B3GALNT2: variants seen among roughly 807,000 people sequenced by gnomAD.
The protein encoded by B3GALNT2 is beta-1,3-N-acetylgalactosaminyltransferase 2.
In B3GALNT2, 53 loss-of-function variants were observed where a neutral mutation model predicts 61.1. The observed-to-expected ratio is 0.87, with a 90% CI of 0.70 to 1.09. The LOEUF (loss-of-function observed/expected upper bound fraction) is 1.09, where lower values mean the gene tolerates loss of function less well. B3GALNT2 is among the 50% of genes least tolerant of loss of function. The pLI is 0.00. For missense variants in B3GALNT2, 544 were observed against 623.0 expected (o/e 0.87, Z 1.35); for synonymous variants, 223 against 237.4 (o/e 0.94, Z 0.56).
At chr1:235,467,138 A>C (rs2102807072) in intron 6 of B3GALNT2, among the ~76,000 whole-genome samples, 1 of 152,206 alleles carries the variant, frequency 6.6e-6, no homozygotes, top group South Asian at 2.1e-4. Context: ...CACGAGGACA[A>C]GACATCAAGA....
chr1:235,453,683 G>A (rs1683035203), intron 10 of B3GALNT2, among the ~76,000 whole-genome samples: 1 of 152,164 alleles, frequency 6.6e-6, no homozygotes, highest in South Asian at 2.1e-4. Flanking sequence ...CTAACCTCAC[G>A]TGATCTGCCT....
Position 235,504,423 on chromosome 1 carries a change from G to A in B3GALNT2, c.-171C>T, listed in dbSNP as rs1007431959. On this transcript the variant is annotated 5_prime_UTR_variant, in exon 1 of 12. Coordinates refer to ENST00000366600, the MANE Select transcript of B3GALNT2 (RefSeq NM_152490.5). ...TCGCAGCTCCCGGCCCCGCTCCTCC[G>A]GTCCCTCAGACCGCGGGTGGCCGCG... 21 of 677,148 alleles carry A rather than the reference G, an allele frequency of 3.1e-5. No homozygotes were observed. The highest frequency in any genetic ancestry group is 4.5e-5 in the Admixed American group (1 of 22,206). 41.9% of individuals were successfully genotyped at this position (677,148 alleles called of 1,614,324 possible). A position where few individuals can be genotyped will look rare whatever the true frequency, so the allele number is the denominator to read the frequency against.
chr1:235,488,452 G>A (rs1224336704), intron 3 of B3GALNT2, among the ~76,000 whole-genome samples: 1 of 151,952 alleles, frequency 6.6e-6, no homozygotes, highest in African/African-American at 2.4e-5. Context: ...GGGAGGCTGA[G>A]GCAGGTGGAT....
chr1:235,458,849 T>C, intron 7 of B3GALNT2, 63 bp from the exon 8 acceptor site: 2 of 1,370,172 alleles, frequency 1.5e-6, no homozygotes, highest in Non-Finnish European at 9.7e-7. Flanking sequence ...TCAGAACTGA[T>C]GATGTACACT....
chr1:235,454,948 G>T (rs1572484176), intron 9 of B3GALNT2, among the ~76,000 whole-genome samples: 3 of 152,088 alleles, frequency 2.0e-5, no homozygotes, highest in Admixed American at 2.0e-4. Context: ...CACAGAAAAT[G>T]GTTTCAGAGA....
intron 4 of B3GALNT2, among the ~76,000 whole-genome samples, chr1:235,483,565 A>C (rs1375744683): frequency 2.6e-5 from 4 of 152,174 alleles, no homozygotes; most frequent in African/African-American, 9.7e-5. Flanking sequence ...TGAGGTCAGG[A>C]GTTTGACACC....
At chr1:235,465,408 G>C in intron 7 of B3GALNT2, 1 of 514,786 alleles carries the variant, frequency 1.9e-6, no homozygotes, top group South Asian at 4.4e-5. Context: ...GGTTGGGGAG[G>C]TAAGAATGAG....
At position 235,448,331 on chromosome 1, in the gene B3GALNT2, TTTC is replaced by T. The variant is rs763283292; in HGVS notation, c.*1872_*1874del. The T allele has an allele frequency of 1.9e-6, 3 of 1,612,468 alleles. No homozygotes were observed. Among genetic ancestry groups the T allele is most frequent in the Admixed American group, 1.7e-5 (1 of 59,992 alleles). ...TGTCATTTGAGAGAACGAATGGACT[TTTC>T]TTGTCTTTTGATAGGCTCCATGACA... On this transcript the variant is annotated 3_prime_UTR_variant, in exon 12 of 12. Transcript: ENST00000366600.
In B3GALNT2 at chr1:235,449,215, A is replaced by AT. The variant is rs1455424878; in HGVS notation, c.*990dup. 2 of 216,158 alleles carry AT rather than the reference A, an allele frequency of 9.3e-6. No homozygotes were observed. The highest frequency in any genetic ancestry group is 2.4e-4 in the East Asian group (2 of 8,338). 13.4% of individuals were successfully genotyped at this position (216,158 alleles called of 1,614,324 possible). On this transcript the variant is annotated 3_prime_UTR_variant, in exon 12 of 12. Transcript: ENST00000366600. ...CTTGGGGAGACATCCTCTACTATGT[A>AT]TAACAATATGCTATTATCTGTCTTC...
At chr1:235,446,695 G>GTTTT (rs11405266), downstream of B3GALNT2, among the ~76,000 whole-genome samples, 1 of 138,958 alleles carries the variant, frequency 7.2e-6, no homozygotes, top group Non-Finnish European at 1.6e-5. Flanking sequence ...GAGTAGGCAG[G>GTTTT]TTTTTTTTTT....
chr1:235,495,025 T>C (rs907603144), intron 1 of B3GALNT2, among the ~76,000 whole-genome samples, 197 bp from the exon 2 acceptor site: 1 of 152,210 alleles, frequency 6.6e-6, no homozygotes, highest in African/African-American at 2.4e-5. Context: ...AGAGTATTTT[T>C]GTCTTTCACG....
At chr1:235,441,966 C>A in the B3GALNT2 span, 6 of 1,199,124 alleles carry the variant, frequency 5.0e-6, no homozygotes, top group Admixed American at 9.3e-5. Context: ...TAAGTGTGTA[C>A]CTCTTAAGTA....
chr1:235,484,219 G>T (rs1444803479), intron 4 of B3GALNT2, 103 bp downstream of exon 4: 16 of 1,422,908 alleles, frequency 1.1e-5, no homozygotes, highest in African/African-American at 1.4e-5. Flanking sequence ...CTCAACCAGA[G>T]AGAATTATAT....
rs563675435 is a variant in B3GALNT2 at position 235,495,143 on chromosome 1, C to A, written c.113-315G>T. 4.5e-3 allele frequency among the ~76,000 whole-genome samples: 690 copies of A among 152,224 alleles called. 5 individuals are homozygous for A. The highest frequency in any genetic ancestry group is 0.016 in the African/African-American group (666 of 41,532). On this transcript the variant is annotated intron_variant, in intron 1 of 11. Transcript: ENST00000366600. ...CAACGTAGCATAAAAAAATAGTAGG[C>A]ATTAAGAGTCAATTAGGCCACAGTT...
intron 8 of B3GALNT2, 138 bp from the exon 9 acceptor site, chr1:235,455,822 G>T: frequency 8.8e-7 from 1 of 1,142,174 alleles, no homozygotes; most frequent in Non-Finnish European, 1.2e-6. Context: ...GAGAACATTT[G>T]CTCTAACAAA....
chr1:235,484,553 G>T (rs1377692527), intron 3 of B3GALNT2, 38 bp from the exon 4 acceptor site: 11 of 1,570,000 alleles, frequency 7.0e-6, no homozygotes, highest in Non-Finnish European at 9.5e-6. Flanking sequence ...CTGAACAAAT[G>T]TAATCCTTTG....
rs997345764 is a variant in B3GALNT2, at chr1:235,504,210, C to T, written c.43G>A (p.Ala15Thr). Residue 15 changes from alanine to threonine, a missense_variant, in exon 1 of 12, where the codon GCC becomes ACC. Ala to Thr is a moderately conservative substitution (Grantham distance 58, BLOSUM62 0). Transcript: ENST00000366600. ...AGCCGCAGCCAGAGGTGCAGCGCGG[C>T]CCCGAGCACACACGGGCACAGCAGC... is the stretch of plus-strand genomic sequence containing the variant. ...LVLLCPCVLG[A>T]ALHLWLRLRS... 39 of 1,453,326 alleles carry T rather than the reference C, an allele frequency of 2.7e-5. No individual in the cohort carries two copies. Among genetic ancestry groups the T allele is most frequent in the Non-Finnish European group, 3.4e-5 (38 of 1,109,300 alleles). 90.0% of individuals were successfully genotyped at this position (1,453,326 alleles called of 1,614,324 possible). A position where few individuals can be genotyped will look rare whatever the true frequency, so the allele number is the denominator to read the frequency against.
chr1:235,447,686 A>C lies in B3GALNT2; in HGVS notation c.*2520T>G, dbSNP rs1682484803. Reference sequence around the variant, plus strand: ...AGTAATTCATAAGGAAGTCATCATAAAGGTTTAAAAAGAAAACGTTAATGA... The same window carrying C: ...AGTAATTCATAAGGAAGTCATCATACAGGTTTAAAAAGAAAACGTTAATGA... On this transcript the variant is annotated 3_prime_UTR_variant, in exon 12 of 12. Transcript: ENST00000366600. Among the ~76,000 whole-genome samples, 1 of 152,228 alleles carries C rather than the reference A, an allele frequency of 6.6e-6. No individual in the cohort carries two copies. The highest frequency in any genetic ancestry group is 2.1e-4 in the South Asian group (1 of 4,824).
chr1:235,444,453 G>A (rs1025036130), downstream of B3GALNT2, among the ~76,000 whole-genome samples: 13 of 152,268 alleles, frequency 8.5e-5, no homozygotes, highest in African/African-American at 3.1e-4. Context: ...CTGGAGTGCA[G>A]TGGTGCCATC....
Sources: allele counts gnomAD v4.1 joint callset (sites outside exome capture counted in the v4.1 genomes callset), GRCh38; gene constraint gnomAD v4.1.1; transcripts MANE v1.5; gene names NCBI Gene and HGNC (gene_info 2026-07-23, HGNC 2026-07-21).